DNAH10: variants seen among roughly 807,000 people sequenced by gnomAD.
DNAH10 encodes dynein axonemal heavy chain 10.
In DNAH10, 348 loss-of-function variants were observed where a neutral mutation model predicts 506.6. The observed-to-expected ratio is 0.69, with a 90% CI of 0.63 to 0.75. The LOEUF is 0.75. Among genes scored for constraint, DNAH10 ranks in the 30% least tolerant of loss-of-function variants. The pLI is 0.00. For synonymous variants in DNAH10, 2,059 were observed against 2,198.6 expected, an observed-to-expected ratio of 0.94 and a Z score of 1.78; for missense variants, 5,179 against 5,787.1, an observed-to-expected ratio of 0.89 and a Z score of 3.41.
intron 27 of DNAH10, among the ~76,000 whole-genome samples, chr12:123,833,882 G>A (rs924387184): frequency 1.3e-5 from 2 of 152,164 alleles, no homozygotes; most frequent in African/African-American, 2.4e-5. Context: ...CTGGGAAGTA[G>A]CAAGGTCTTA....
In DNAH10 at chr12:123,833,174, A is replaced by G; in HGVS notation, c.4606A>G (p.Lys1536Glu). 2 of 1,613,950 alleles carry G rather than the reference A, an allele frequency of 1.2e-6. No homozygotes were observed. The highest frequency in any genetic ancestry group is 1.1e-5 in the South Asian group (1 of 91,002). The change falls in exon 27 of 79, where the codon AAA becomes GAA. Residue 1536 changes from lysine (K) to glutamate (E), a missense_variant. Physicochemically the swap from Lys to Glu is moderately conservative, Grantham distance 56. Around this residue, in one of 3 missense-constraint regions of DNAH10, gnomAD observed 4,844 missense variants for 5,430.5 expected, o/e 0.89. Coordinates refer to ENST00000673944, the MANE Select transcript of DNAH10 (RefSeq NM_001372106.1). The part of the protein sequence containing the change: ...NMKFTVVKYC[K>E]GTQERGYILG... Reference sequence around the variant, plus strand: ...GAAATTCACTGTAGTCAAGTATTGCAAAGGCACACAGGAGCGAGGCTACAT... The same window carrying G: ...GAAATTCACTGTAGTCAAGTATTGCGAAGGCACACAGGAGCGAGGCTACAT...
rs78919066 is a variant in DNAH10, at chr12:123,804,191, G to A, written c.2779+366G>A. ...TTGTTGATAACTTTGTAACAGTAAA[G>A]CTAGTTGTATTTTTTATGGGCTCAC... is the stretch of plus-strand genomic sequence containing the variant. On this transcript the variant is annotated intron_variant, in intron 17 of 78. Transcript: ENST00000673944. 1.6e-4 allele frequency among the ~76,000 whole-genome samples: 24 copies of A among 152,044 alleles called. No individual in the cohort carries two copies. The East Asian group carries it at 3.3e-3, about 21-fold the overall frequency.
chr12:123,765,634 CCTGT>C (rs1355498622), intron 1 of DNAH10, among the ~76,000 whole-genome samples: 2 of 151,654 alleles, frequency 1.3e-5, no homozygotes, highest in African/African-American at 4.8e-5. Flanking sequence ...TTATCTATCT[CCTGT>C]CTACCTACCT....
At chr12:123,801,206 A>G (rs934937543) in intron 15 of DNAH10, 75 bp from the exon 16 acceptor site, 6 of 1,477,036 alleles carry the variant, frequency 4.1e-6, no homozygotes, top group South Asian at 1.5e-5. Context: ...GTCTTTTGTA[A>G]TCTCTTGACC....
intron 19 of DNAH10, among the ~76,000 whole-genome samples, chr12:123,812,126 T>C (rs114988777): frequency 0.014 from 2,197 of 152,244 alleles, 47 homozygotes; most frequent in African/African-American, 0.043. Flanking sequence ...GTCACATACC[T>C]ATGGTTTGCT....
chr12:123,873,735 A>AG (rs1952129122), intron 46 of DNAH10, 25 bp downstream of exon 46: 4 of 1,589,572 alleles, frequency 2.5e-6, no homozygotes, highest in Non-Finnish European at 2.6e-6. Context: ...AAGCAGGTGG[A>AG]GGGATGGGTC....
In DNAH10 at chr12:123,853,179, T is replaced by C; in HGVS notation, c.6292-27T>C. 6.6e-7 allele frequency: 1 copy of C among 1,514,286 alleles called. No homozygotes were observed. The highest frequency in any genetic ancestry group is 8.9e-7 in the Non-Finnish European group (1 of 1,128,756). 93.8% of individuals were successfully genotyped at this position (1,514,286 alleles called of 1,614,324 possible). ...TGAATCATTTTCTTTTTTCTTTTTT[T>C]TTGTATTATTATCTTCTATCAAAAA... On this transcript the variant is annotated intron_variant, in intron 35 of 78. Coordinates refer to ENST00000673944, the MANE Select transcript of DNAH10 (RefSeq NM_001372106.1). This position sits in a 1 kb window ranked among gnomAD's most constrained non-coding sequence, Gnocchi z 4.7.
At chr12:123,934,549 C>T (rs560824589) in intron 77 of DNAH10, 72 bp from the exon 78 acceptor site, 322 of 1,576,130 alleles carry the variant, frequency 2.0e-4, no homozygotes, top group Middle Eastern at 5.0e-4. Flanking sequence ...GCTGTGTGTG[C>T]GCCTGATAGA....
In DNAH10 at chr12:123,870,449, A is replaced by C. The variant is rs568884032; in HGVS notation, c.7603A>C (p.Ile2535Leu). The change falls in exon 44 of 79, where the codon ATT (isoleucine) becomes CTT (leucine). Residue 2535 changes from isoleucine to leucine, a missense_variant. Physicochemically the swap from Ile to Leu is conservative, Grantham distance 5. This residue lies in a region of DNAH10 where 4,844 missense variants were observed against 5,430.5 expected (regional missense o/e 0.89). Transcript: ENST00000673944. ...ATGGAGTAAATTAGTTCCAGAGTAT[A>C]TTCATGCCCCCGAGAGGAAATTCAT... ...VPWSKLVPEYIHAPERKFINI... is the reference protein window; with the variant it reads ...VPWSKLVPEYLHAPERKFINI... 14 of 1,613,908 alleles carry C rather than the reference A, an allele frequency of 8.7e-6. No individual in the cohort carries two copies. The highest frequency in any genetic ancestry group is 1.3e-5 in the African/African-American group (1 of 75,046).
intron 50 of DNAH10, among the ~76,000 whole-genome samples, chr12:123,880,502 G>A (rs116733691): frequency 0.011 from 1,741 of 152,038 alleles, 35 homozygotes; most frequent in African/African-American, 0.04. Context: ...ACCGTGCCCA[G>A]CTGATTTTTT....
rs558976361 is a variant in DNAH10, at chr12:123,853,226, G to A, written c.6312G>A (p.Thr2104=). The change falls in exon 36 of 79, where the codon ACG becomes ACA. Residue 2104 remains threonine, a synonymous_variant. Transcript: ENST00000673944. This position sits in a 1 kb window ranked among gnomAD's most constrained non-coding sequence, Gnocchi z 4.7. ...AAAAGACTCTGGCGAAAAAGATGAC[G>A]GTTCTGTATAAGCTGGCCCGGGAGC... is the stretch of plus-strand genomic sequence containing the variant. ...LEAKTLAKKM[T]VLYKLAREQL... 18 of 1,604,920 alleles carry A rather than the reference G, an allele frequency of 1.1e-5. No homozygotes were observed. The highest frequency in any genetic ancestry group is 6.7e-5 in the East Asian group (3 of 44,690).
Position 123,917,460 on chromosome 12 carries a change from G to T in DNAH10, c.11003-124G>T. Reference sequence around the variant, plus strand: ...CTCTAGAGTGACTTTGGTGGGCAGTGAATCCTCGTGCCTCTGGCCTGCTGG... The same window carrying T: ...CTCTAGAGTGACTTTGGTGGGCAGTTAATCCTCGTGCCTCTGGCCTGCTGG... On this transcript the variant is annotated intron_variant, in intron 63 of 78. Coordinates refer to ENST00000673944, the MANE Select transcript of DNAH10 (RefSeq NM_001372106.1). The surrounding 1 kb of genome is among the most constrained non-coding windows in gnomAD (Gnocchi z 5.6). 1 of 946,022 alleles carries T rather than the reference G, an allele frequency of 1.1e-6. No individual in the cohort carries two copies. The allele number at this position is 946,022 out of a possible 1,614,324, so 58.6% of individuals were successfully genotyped here.
At chr12:123,843,466 G>A (rs914945343) in intron 30 of DNAH10, among the ~76,000 whole-genome samples, 3 of 152,156 alleles carry the variant, frequency 2.0e-5, no homozygotes, top group African/African-American at 7.2e-5. Flanking sequence ...TCTCTCTCCT[G>A]ATGTGTAGGA....
intron 45 of DNAH10, among the ~76,000 whole-genome samples, chr12:123,871,937 A>T (rs2136976821): frequency 6.6e-6 from 1 of 152,336 alleles, no homozygotes; most frequent in South Asian, 2.1e-4. Context: ...TGCTTAAGAT[A>T]GATGGCAAAG....
chr12:123,871,307 C>G lies in DNAH10; in HGVS notation c.7640-150C>G. The stretch of plus-strand genomic sequence containing the variant: ...TGTGCCAAAGTCAATCAGTTATACA[C>G]TTCAATGGGTGAATGTTTCTGAGGT... On this transcript the variant is annotated intron_variant, in intron 44 of 78. Transcript: ENST00000673944. 4.3e-6 allele frequency: 4 copies of G among 925,002 alleles called. 1 individual carries two copies. Among genetic ancestry groups the G allele is most frequent in the South Asian group, 3.5e-5 (2 of 57,092 alleles). The allele number at this position is 925,002 out of a possible 1,614,324, so 57.3% of individuals were successfully genotyped here. A position where few individuals can be genotyped will look rare whatever the true frequency, so the allele number is the denominator to read the frequency against.
At position 123,868,033 on chromosome 12, in the gene DNAH10, T is replaced by A; in HGVS notation, c.7433T>A (p.Met2478Lys). 1 of 1,613,926 alleles carries A rather than the reference T, an allele frequency of 6.2e-7. No individual in the cohort carries two copies. Among genetic ancestry groups the A allele is most frequent in the South Asian group, 1.1e-5 (1 of 91,078 alleles). ...LGASLLEDGR[M>K]KFDEYIKRLA... ...GCCTCCCTGCTTGAGGATGGAAGGA[T>A]GAAATTTGACGAATATATCAAACGC... is the stretch of plus-strand genomic sequence containing the variant. Residue 2478 changes from methionine (M) to lysine (K), a missense_variant, in exon 43 of 79, where the codon ATG becomes AAG. Physicochemically the swap from Met to Lys is moderately conservative, Grantham distance 95. Transcript: ENST00000673944.
rs1372163480 is a variant in DNAH10 at position 123,868,091 on chromosome 12, A to C, written c.7491A>C (p.Gly2497=). The change falls in exon 43 of 79, where the codon GGA becomes GGC. Residue 2497 remains glycine, a synonymous_variant. Transcript: ENST00000673944. Reference sequence around the variant, plus strand: ...CTTTGTCTACTGTTGACACAGAAGGAGTTTGGGCCAACCCTGGGGAACTGC... The same window carrying C: ...CTTTGTCTACTGTTGACACAGAAGGCGTTTGGGCCAACCCTGGGGAACTGC... ...LASLSTVDTE[G]VWANPGELPG... 1.2e-6 allele frequency: 2 copies of C among 1,613,386 alleles called. No individual in the cohort carries two copies. Among genetic ancestry groups the C allele is most frequent in the Admixed American group, 1.7e-5 (1 of 59,996 alleles).
chr12:123,804,988 T>C lies in DNAH10; in HGVS notation c.2935T>C (p.Tyr979His), dbSNP rs762389097. The change falls in exon 18 of 79, where the codon TAC becomes CAC. Residue 979 changes from tyrosine to histidine, a missense_variant. Coordinates refer to ENST00000673944, the MANE Select transcript of DNAH10 (RefSeq NM_001372106.1). Reference protein sequence around the residue: ...TGKAPKLASYYKYWEKKIYEV... With the variant: ...TGKAPKLASYHKYWEKKIYEV... ...CAAGGCCCCCAAGCTGGCCTCCTAC[T>C]ACAAATACTGGGAAAAGAAAATTTA... 8.1e-6 allele frequency: 13 copies of C among 1,614,222 alleles called. No homozygotes were observed. Among genetic ancestry groups the C allele is most frequent in the Non-Finnish European group, 1.1e-5 (13 of 1,180,046 alleles).
intron 11 of DNAH10, among the ~76,000 whole-genome samples, chr12:123,792,451 CTTTTTTTTTTTT>C (rs78654407): frequency 2.2e-5 from 3 of 133,466 alleles, no homozygotes; most frequent in East Asian, 2.0e-4. Flanking sequence ...TTCCTTTGTC[CTTTTTTTTTTTT>C]TTTTTTTTTT....
Sources: allele counts gnomAD v4.1 joint callset (sites outside exome capture counted in the v4.1 genomes callset), GRCh38; gene constraint gnomAD v4.1.1; regional missense constraint gnomAD v4.1.1; non-coding constraint Gnocchi (gnomAD v3.1); transcripts MANE v1.5; gene names NCBI Gene and HGNC (gene_info 2026-07-23, HGNC 2026-07-21).